The following SMYD3 variants were observed in gnomAD, a reference collection of about 807,000 sequenced individuals.
SMYD3 encodes SET and MYND domain containing 3, also known as histone-lysine N-methyltransferase SMYD3.
In SMYD3, 36 loss-of-function variants were observed where a neutral mutation model predicts 57.7. That is an observed-to-expected ratio of 0.62 (90% CI 0.48 to 0.82). The LOEUF (loss-of-function observed/expected upper bound fraction) is 0.82, where lower values mean the gene tolerates loss of function less well. Ranked by LOEUF, SMYD3 falls within the 40% of genes least tolerant of loss-of-function variation. The probability of loss-of-function intolerance (pLI) is 0.00; values close to 1 mark genes in which losing one functional copy is unlikely to be tolerated. For synonymous variants in SMYD3, 211 were observed against 195.0 expected (o/e 1.08, Z -0.68); for missense variants, 515 against 538.8 (o/e 0.96, Z 0.44).
intron 1 of SMYD3, among the ~76,000 whole-genome samples, chr1:246,379,107 CACACACAT>C (rs987056976): frequency 3.9e-5 from 5 of 129,182 alleles, no homozygotes; most frequent in African/African-American, 1.4e-4. Flanking sequence ...CACACACACA[CACACACAT>C]ATATTCCATT....
intron 5 of SMYD3, among the ~76,000 whole-genome samples, chr1:246,194,758 C>T (rs192413651): frequency 4.6e-5 from 7 of 152,306 alleles, no homozygotes; most frequent in Admixed American, 1.3e-4. Flanking sequence ...TACATGAAAA[C>T]GGCTACTGAT....
intron 5 of SMYD3, among the ~76,000 whole-genome samples, chr1:246,284,122 G>GT (rs2064506787): frequency 6.6e-6 from 1 of 152,196 alleles, no homozygotes; most frequent in South Asian, 2.1e-4. Flanking sequence ...AAAAGCACCG[G>GT]TGAGTATGCT....
chr1:245,828,405 A>G (rs1305417662), intron 10 of SMYD3, among the ~76,000 whole-genome samples: 1 of 152,230 alleles, frequency 6.6e-6, no homozygotes, highest in African/African-American at 2.4e-5. Flanking sequence ...AGCCATCTAC[A>G]TGTCCCTTTC....
chr1:245,826,282 C>G (rs7552469), intron 10 of SMYD3, among the ~76,000 whole-genome samples: 127,795 of 151,862 alleles, frequency 0.84, 55,160 homozygotes, highest in Non-Finnish European at 0.95. Flanking sequence ...TAACTGGAAT[C>G]AAATAGTGTT....
intron 5 of SMYD3, among the ~76,000 whole-genome samples, chr1:246,294,117 G>A (rs1036942708): frequency 2.6e-5 from 4 of 152,000 alleles, no homozygotes; most frequent in Non-Finnish European, 5.9e-5. Context: ...TTCCATCCAT[G>A]CTGCTCCTAT....
At chr1:245,848,091 C>A (rs2050755297) in intron 10 of SMYD3, among the ~76,000 whole-genome samples, 1 of 136,096 alleles carries the variant, frequency 7.3e-6, no homozygotes, top group East Asian at 2.3e-4. Flanking sequence ...GCAAATGCAA[C>A]AGAGATAAAG....
At chr1:246,351,203 T>A (rs2065817517) in intron 2 of SMYD3, among the ~76,000 whole-genome samples, 1 of 152,250 alleles carries the variant, frequency 6.6e-6, no homozygotes, top group South Asian at 2.1e-4. Flanking sequence ...AAAATAGAGC[T>A]TGTATCTGCT....
chr1:246,046,248 A>G (rs1005801971), intron 5 of SMYD3, among the ~76,000 whole-genome samples: 119 of 152,272 alleles, frequency 7.8e-4, no homozygotes, highest in African/African-American at 2.8e-3. Flanking sequence ...ATGATAGACT[A>G]GATTAAGAAA....
intron 10 of SMYD3, among the ~76,000 whole-genome samples, chr1:245,821,792 A>G (rs1474386656): frequency 3.9e-5 from 6 of 152,134 alleles, no homozygotes; most frequent in African/African-American, 1.4e-4. Context: ...AGACACATGA[A>G]AACATGCTCA....
At chr1:246,448,852 G>A (rs891831529) in intron 1 of SMYD3, among the ~76,000 whole-genome samples, 16 of 151,944 alleles carry the variant, frequency 1.1e-4, no homozygotes, top group African/African-American at 3.9e-4. Context: ...AGGTTGCTAT[G>A]CTTTTAGTTG....
chr1:246,339,520 A>G (rs1398473516), intron 2 of SMYD3, among the ~76,000 whole-genome samples: 1 of 144,504 alleles, frequency 6.9e-6, no homozygotes, highest in African/African-American at 2.5e-5. Flanking sequence ...AAGAACTGAG[A>G]AGCCCAGATC....
chr1:245,774,687 G>GTCTCCC (rs1235304045), intron 10 of SMYD3, among the ~76,000 whole-genome samples: 1 of 124,998 alleles, frequency 8.0e-6, no homozygotes, highest in Non-Finnish European at 1.8e-5. Context: ...CTTTCCCACG[G>GTCTCCC]TCTCCCTCTC....
At chr1:246,228,904 T>G (rs2063370187) in intron 5 of SMYD3, among the ~76,000 whole-genome samples, 1 of 152,140 alleles carries the variant, frequency 6.6e-6, no homozygotes, top group Non-Finnish European at 1.5e-5. Flanking sequence ...TCAAAACATC[T>G]TTGGGATGAC....
At chr1:245,842,911 T>C (rs1419701210) in intron 10 of SMYD3, among the ~76,000 whole-genome samples, 1 of 152,166 alleles carries the variant, frequency 6.6e-6, no homozygotes, top group Non-Finnish European at 1.5e-5. Flanking sequence ...GGTCTTCCTA[T>C]GTTACCCCAG....
chr1:246,186,814 T>C, intron 5 of SMYD3: 1 of 985,532 alleles, frequency 1.0e-6, no homozygotes, highest in Non-Finnish European at 1.2e-6. Flanking sequence ...CTGTATCACA[T>C]TCCGGTCTTC....
rs532347327 is a variant in SMYD3 at position 246,419,712 on chromosome 1, C to T, written c.165-64618G>A. 2.0e-5 allele frequency among the ~76,000 whole-genome samples: 3 copies of T among 152,358 alleles called. No homozygotes were observed. In the South Asian group the frequency reaches 6.2e-4, roughly 32 times the overall value. ...CTGGATTCTCATAGGACCACTAACC[C>T]TATTGTGAACTGCACATGGCAGGGA... On this transcript the variant is annotated intron_variant, in intron 1 of 11. Coordinates refer to ENST00000490107, the MANE Select transcript of SMYD3 (RefSeq NM_001167740.2).
At chr1:246,436,894 TTC>T (rs1276610241) in intron 1 of SMYD3, among the ~76,000 whole-genome samples, 1 of 121,010 alleles carries the variant, frequency 8.3e-6, no homozygotes, top group African/African-American at 3.3e-5. Flanking sequence ...CTGCCAGAGT[TTC>T]TTTCTTTTTT....
chr1:245,982,396 G>A (rs979832705), intron 5 of SMYD3, among the ~76,000 whole-genome samples: 1 of 152,056 alleles, frequency 6.6e-6, no homozygotes, highest in East Asian at 1.9e-4. Context: ...CAAAGTGCTG[G>A]GATTACAGAT....
chr1:245,953,365 A>G, intron 5 of SMYD3: 1 of 981,146 alleles, frequency 1.0e-6, no homozygotes, highest in Non-Finnish European at 1.2e-6. Context: ...TCTGAAAAAA[A>G]TAAAAAGTGA....
Sources: allele counts gnomAD v4.1 joint callset (sites outside exome capture counted in the v4.1 genomes callset), GRCh38; gene constraint gnomAD v4.1.1; transcripts MANE v1.5; gene names NCBI Gene and HGNC (gene_info 2026-07-23, HGNC 2026-07-21).